RALGAPA2: variants seen among roughly 807,000 people sequenced by gnomAD.
RALGAPA2 encodes ral GTPase-activating protein subunit alpha-2.
RALGAPA2 carries 139 observed loss-of-function variants against 230.4 expected under a neutral mutation model. The observed-to-expected ratio is 0.60, with a 90% CI of 0.53 to 0.69. The LOEUF is 0.69. RALGAPA2 is among the 30% of genes least tolerant of loss of function. RALGAPA2 has a pLI of 0.00. For missense variants in RALGAPA2, 2,163 were observed against 2,276.0 expected, an observed-to-expected ratio of 0.95 and a Z score of 1.01; for synonymous variants, 847 against 837.8, an observed-to-expected ratio of 1.01 and a Z score of -0.19.
intron 1 of RALGAPA2, among the ~76,000 whole-genome samples, chr20:20,692,942 CA>C (rs888832028): frequency 3.9e-5 from 6 of 152,108 alleles, no homozygotes; most frequent in African/African-American, 1.4e-4. Context: ...TACTTACAAC[CA>C]AAAATATCCT....
intron 16 of RALGAPA2, 21 bp from the exon 17 acceptor site, chr20:20,591,335 T>G (rs757037885): frequency 6.2e-7 from 1 of 1,605,438 alleles, no homozygotes; most frequent in South Asian, 1.1e-5. Flanking sequence ...TAACAAAACA[T>G]GCAAAGTTAC....
chr20:20,570,607 C>T (rs1210124347), intron 23 of RALGAPA2, among the ~76,000 whole-genome samples: 1 of 152,012 alleles, frequency 6.6e-6, no homozygotes, highest in Non-Finnish European at 1.5e-5. Flanking sequence ...CCTTTCTTTC[C>T]ATCCCCAATG....
chr20:20,461,447 C>T (rs2061300970), intron 37 of RALGAPA2, among the ~76,000 whole-genome samples: 2 of 152,172 alleles, frequency 1.3e-5, no homozygotes, highest in African/African-American at 4.8e-5. Flanking sequence ...AAGCCGAACT[C>T]TCAGCAGGCA....
At chr20:20,683,986 T>G (rs2068613006) in intron 1 of RALGAPA2, among the ~76,000 whole-genome samples, 1 of 152,128 alleles carries the variant, frequency 6.6e-6, no homozygotes, top group South Asian at 2.1e-4. Context: ...ACATGCAGAG[T>G]GCGCCACCTG....
At chr20:20,656,819 T>C (rs1269304409) in intron 3 of RALGAPA2, among the ~76,000 whole-genome samples, 3 of 151,852 alleles carry the variant, frequency 2.0e-5, no homozygotes, top group Non-Finnish European at 2.9e-5. Flanking sequence ...AGCAAAGAGA[T>C]TAGAACAAGA....
chr20:20,540,600 C>T (rs2063618130), intron 24 of RALGAPA2, among the ~76,000 whole-genome samples: 1 of 152,036 alleles, frequency 6.6e-6, no homozygotes, highest in South Asian at 2.1e-4. Flanking sequence ...ACTTCCTTCC[C>T]TCCACATTTT....
At position 20,513,020 on chromosome 20, in the gene RALGAPA2, C is replaced by A. The variant is rs541310780; in HGVS notation, c.4349G>T (p.Gly1450Val). The A allele has an allele frequency of 2.5e-6, 4 of 1,613,610 alleles. No homozygotes were observed. The highest frequency in any genetic ancestry group is 2.2e-5 in the East Asian group (1 of 44,852). ...ATCAGAGAGAGAGCCCACTGGTGAT[C>A]CCCCTACCGGTCCTTCTGTGGGTGT... The part of the protein sequence containing the change: ...LQTPTEGPVG[G>V]SPVGSLSDVR... Residue 1450 changes from glycine (G) to valine (V), a missense_variant, in exon 32 of 40, where the codon GGA becomes GTA. Gly to Val is a moderately radical substitution (Grantham distance 109). Coordinates refer to ENST00000202677, the MANE Select transcript of RALGAPA2 (RefSeq NM_020343.4).
intron 3 of RALGAPA2, among the ~76,000 whole-genome samples, chr20:20,660,372 T>G (rs778297610): frequency 5.3e-5 from 8 of 152,362 alleles, no homozygotes; most frequent in African/African-American, 1.9e-4. Flanking sequence ...TATTTAAAAT[T>G]CTGGTTTCCT....
intron 23 of RALGAPA2, among the ~76,000 whole-genome samples, chr20:20,555,159 C>T (rs2064046353): frequency 1.3e-5 from 2 of 152,184 alleles, no homozygotes. Flanking sequence ...GTTGTCCCAG[C>T]ATCACCTGTT....
intron 35 of RALGAPA2, among the ~76,000 whole-genome samples, chr20:20,500,897 A>G (rs1484246449): frequency 6.6e-6 from 1 of 152,218 alleles, no homozygotes; most frequent in Non-Finnish European, 1.5e-5. Context: ...AAACAACACT[A>G]CATCTCCTTC....
intron 23 of RALGAPA2, among the ~76,000 whole-genome samples, chr20:20,566,054 G>A (rs2064409253): frequency 6.6e-6 from 1 of 152,234 alleles, no homozygotes; most frequent in African/African-American, 2.4e-5. Flanking sequence ...TGTTCCAGCA[G>A]AGCCCACTGT....
intron 35 of RALGAPA2, among the ~76,000 whole-genome samples, chr20:20,501,895 T>C (rs376572031): frequency 6.6e-5 from 10 of 152,090 alleles, no homozygotes; most frequent in Non-Finnish European, 1.3e-4. Flanking sequence ...GAGCGGAAGA[T>C]ACATAGGGGA....
intron 37 of RALGAPA2, among the ~76,000 whole-genome samples, chr20:20,420,348 G>C (rs1369608172): frequency 2.0e-5 from 3 of 152,192 alleles, no homozygotes; most frequent in Admixed American, 2.0e-4. Flanking sequence ...GTGTCCTCTA[G>C]TTTGGAAGAG....
intron 1 of RALGAPA2, among the ~76,000 whole-genome samples, chr20:20,704,373 G>C (rs1428034454): frequency 6.6e-6 from 1 of 152,082 alleles, no homozygotes; most frequent in Non-Finnish European, 1.5e-5. Context: ...AAATATAAAA[G>C]TCAAATCTCC....
At chr20:20,615,162 C>CTT (rs58165861) in intron 13 of RALGAPA2, among the ~76,000 whole-genome samples, 11 of 138,930 alleles carry the variant, frequency 7.9e-5, no homozygotes, top group East Asian at 2.1e-4. Context: ...AACGTGAGGA[C>CTT]TTTTTTTTTT....
In RALGAPA2 at chr20:20,467,576, T is replaced by C. The variant is rs886554692; in HGVS notation, c.5495+5253A>G. ...GGTGCAAGAGCCATTGATTGATTGA[T>C]TGATTGATTGATTGATTGTATTCTT... On this transcript the variant is annotated intron_variant, in intron 37 of 39. Transcript: ENST00000202677. Among the ~76,000 whole-genome samples the C allele has an allele frequency of 2.6e-5, 4 of 152,246 alleles. No individual in the cohort carries two copies. In the East Asian group the frequency reaches 5.8e-4, roughly 22 times the overall value.
chr20:20,696,603 C>T (rs998344064), intron 1 of RALGAPA2, among the ~76,000 whole-genome samples: 1 of 152,042 alleles, frequency 6.6e-6, no homozygotes, highest in Non-Finnish European at 1.5e-5. Flanking sequence ...CCTCTCCCAC[C>T]CCCGCTCCTT....
chr20:20,423,967 T>C (rs978476157), intron 37 of RALGAPA2, among the ~76,000 whole-genome samples: 1 of 152,212 alleles, frequency 6.6e-6, no homozygotes, highest in Non-Finnish European at 1.5e-5. Context: ...GAGGAAATGA[T>C]AAGAGCAAAT....
chr20:20,483,895 G>C (rs1387369244), intron 36 of RALGAPA2, among the ~76,000 whole-genome samples: 1 of 152,194 alleles, frequency 6.6e-6, no homozygotes, highest in African/African-American at 2.4e-5. Context: ...TTCAGAGAGA[G>C]CTATACGGAC....
Sources: allele counts gnomAD v4.1 joint callset (sites outside exome capture counted in the v4.1 genomes callset), GRCh38; gene constraint gnomAD v4.1.1; transcripts MANE v1.5; gene names NCBI Gene and HGNC (gene_info 2026-07-23, HGNC 2026-07-21).